The following PRKCQ variants were observed in gnomAD, a reference collection of about 807,000 sequenced individuals.
The protein encoded by PRKCQ is protein kinase C theta.
A neutral mutation model predicts 91.2 loss-of-function variants in PRKCQ; 41 were observed. The ratio of observed to expected loss-of-function variants is 0.45; its 90% CI spans 0.35 to 0.58. PRKCQ has a LOEUF of 0.58. Among genes scored for constraint, PRKCQ ranks in the 20% least tolerant of loss-of-function variants. The probability of loss-of-function intolerance (pLI) is 0.00; values close to 1 mark genes in which losing one functional copy is unlikely to be tolerated. For synonymous variants in PRKCQ, 307 were observed against 316.9 expected (o/e 0.97, Z 0.33); for missense variants, 673 against 896.5 (o/e 0.75, Z 3.18).
chr10:6,407,957 T>C, the PRKCQ span, among the ~76,000 whole-genome samples: 1 of 151,768 alleles, frequency 6.6e-6, no homozygotes, highest in African/African-American at 2.4e-5. The surrounding 1 kb of genome is among the most constrained non-coding windows in gnomAD (Gnocchi z 4.0). Context: ...CTAGCCACAA[T>C]ACTGTTATCA....
At chr10:6,509,539 G>T (rs1244618012) in intron 3 of PRKCQ, among the ~76,000 whole-genome samples, 1 of 152,190 alleles carries the variant, frequency 6.6e-6, no homozygotes, top group Non-Finnish European at 1.5e-5. Flanking sequence ...CTCCCAAGTA[G>T]CTGGGATTAC....
intron 14 of PRKCQ, among the ~76,000 whole-genome samples, chr10:6,458,956 G>A (rs549281746): frequency 2.3e-4 from 35 of 152,242 alleles, no homozygotes; most frequent in Admixed American, 7.2e-4. Context: ...TGAAGATGCC[G>A]TCGATTTTGT....
chr10:6,475,055 G>A (rs552720612), intron 12 of PRKCQ, among the ~76,000 whole-genome samples: 3 of 152,300 alleles, frequency 2.0e-5, no homozygotes, highest in Admixed American at 1.3e-4. Flanking sequence ...TCAGAATGCT[G>A]ATCTACGTTA....
At chr10:6,401,042 G>A in the PRKCQ span, among the ~76,000 whole-genome samples, 1 of 152,162 alleles carries the variant, frequency 6.6e-6, no homozygotes. Flanking sequence ...ATAGCATGCC[G>A]TTGCAACTTC....
In PRKCQ at chr10:6,482,696, A is replaced by G. The variant is rs377118235; in HGVS notation, c.1179+744T>C. Among the ~76,000 whole-genome samples, 4 of 152,316 alleles carry G rather than the reference A, an allele frequency of 2.6e-5. No homozygotes were observed. The South Asian group carries it at 6.2e-4, about 24-fold the overall frequency. On this transcript the variant is annotated intron_variant, in intron 11 of 17. Coordinates refer to ENST00000263125, the MANE Select transcript of PRKCQ (RefSeq NM_006257.5). ...AGACATGCCCGAGACTGGATAATTT[A>G]TAAAGGAAAGAGGTTTAATGGACTC... is the stretch of plus-strand genomic sequence containing the variant.
intron 12 of PRKCQ, among the ~76,000 whole-genome samples, chr10:6,466,564 T>C (rs899802279): frequency 5.3e-5 from 8 of 152,234 alleles, no homozygotes; most frequent in Non-Finnish European, 8.8e-5. Flanking sequence ...TGCTCTGTGA[T>C]AAAATTAGCA....
chr10:6,475,117 T>G (rs550549219), intron 12 of PRKCQ, among the ~76,000 whole-genome samples: 1 of 152,228 alleles, frequency 6.6e-6, no homozygotes, highest in South Asian at 2.1e-4. Flanking sequence ...CAAAGTCATT[T>G]TGATCTAGCA....
At chr10:6,472,868 C>A (rs1237896201) in intron 12 of PRKCQ, among the ~76,000 whole-genome samples, 1 of 152,004 alleles carries the variant, frequency 6.6e-6, no homozygotes, top group Non-Finnish European at 1.5e-5. Context: ...GCCCACCACC[C>A]CGCCTGGCTA....
At chr10:6,449,041 G>C (rs12774213) in intron 15 of PRKCQ, among the ~76,000 whole-genome samples, 48,125 of 149,380 alleles carry the variant, frequency 0.32, 6,307 homozygotes, top group East Asian at 0.46. Context: ...CTCCTCCAAA[G>C]GAACGCAGTT....
At chr10:6,521,636 GGT>G (rs1352103472) in intron 1 of PRKCQ, among the ~76,000 whole-genome samples, 1 of 152,112 alleles carries the variant, frequency 6.6e-6, no homozygotes, top group Non-Finnish European at 1.5e-5. Context: ...CAACTTCATT[GGT>G]GTGTACCAAA....
At chr10:6,541,018 T>C (rs4748139) in intron 1 of PRKCQ, among the ~76,000 whole-genome samples, 11 of 152,194 alleles carry the variant, frequency 7.2e-5, no homozygotes, top group Admixed American at 2.6e-4. Context: ...TTACAATGCA[T>C]ATCCAGAATA....
the PRKCQ span, among the ~76,000 whole-genome samples, chr10:6,395,451 G>A: frequency 6.6e-6 from 1 of 151,916 alleles, no homozygotes; most frequent in Admixed American, 6.6e-5. Context: ...TGGGGAGAAG[G>A]CTCCTGAGGA....
At chr10:6,503,847 G>A in intron 4 of PRKCQ, among the ~76,000 whole-genome samples, 1 of 152,138 alleles carries the variant, frequency 6.6e-6, no homozygotes, top group East Asian at 1.9e-4. Context: ...CACTATCTTG[G>A]CTCACTTTAT....
At position 6,576,149 on chromosome 10, in the gene PRKCQ, A is replaced by C. The variant is rs1045997718; in HGVS notation, c.-10+4062T>G. 6.6e-6 allele frequency among the ~76,000 whole-genome samples: 1 copy of C among 152,228 alleles called. No homozygotes were observed. The highest frequency in any genetic ancestry group is 2.4e-5 in the African/African-American group (1 of 41,452). On this transcript the variant is annotated intron_variant, in intron 1 of 17. Coordinates refer to ENST00000263125, the MANE Select transcript of PRKCQ (RefSeq NM_006257.5). This position sits in a 1 kb window ranked among gnomAD's most constrained non-coding sequence, Gnocchi z 4.2. ...CAGCCACTGTGGAAAACAATATGGC[A>C]GTTCCTCAAAAAATTAAACATAGAA...
rs552591848 is a variant in PRKCQ, at chr10:6,460,176, T to C, written c.1508+2127A>G. 4.0e-5 allele frequency among the ~76,000 whole-genome samples: 6 copies of C among 151,750 alleles called. No homozygotes were observed. The South Asian group carries it at 1.0e-3, about 26-fold the overall frequency. On this transcript the variant is annotated intron_variant, in intron 14 of 17. Coordinates refer to ENST00000263125, the MANE Select transcript of PRKCQ (RefSeq NM_006257.5). ...CTAATGAGCACAAAAAATAAACTCA[T>C]TTTTTTTTCTTGTTGGTGCCTAAGA...
In PRKCQ at chr10:6,530,549, G is replaced by C. The variant is rs570557538; in HGVS notation, c.-9-15405C>G. On this transcript the variant is annotated intron_variant, in intron 1 of 17. Coordinates refer to ENST00000263125, the MANE Select transcript of PRKCQ (RefSeq NM_006257.5). The stretch of plus-strand genomic sequence containing the variant: ...GGGGACTGGGCTATCACAGTCACAG[G>C]GGGGGTTGTTGCAAATAGAGGGACA... Among the ~76,000 whole-genome samples, 9 of 152,286 alleles carry C rather than the reference G, an allele frequency of 5.9e-5. No individual in the cohort carries two copies. In the South Asian group the frequency reaches 1.3e-3, roughly 21 times the overall value.
chr10:6,571,470 C>A (rs1841043382), intron 1 of PRKCQ, among the ~76,000 whole-genome samples: 1 of 152,192 alleles, frequency 6.6e-6, no homozygotes, highest in African/African-American at 2.4e-5. Context: ...ACCTTCCTAA[C>A]AAACCAGGGA....
Position 6,465,460 on chromosome 10 carries a change from G to C in PRKCQ, c.1354-1056C>G, listed in dbSNP as rs1835600235. On this transcript the variant is annotated intron_variant, in intron 12 of 17. Transcript: ENST00000263125. This position sits in a 1 kb window ranked among gnomAD's most constrained non-coding sequence, Gnocchi z 4.4. The stretch of plus-strand genomic sequence containing the variant: ...ACCAGCCTCAGCAACTCAATGATGT[G>C]AGACAATTTTTTTTTCCAATAAATG... Among the ~76,000 whole-genome samples, 3 of 152,160 alleles carry C rather than the reference G, an allele frequency of 2.0e-5. No individual in the cohort carries two copies. Among genetic ancestry groups the C allele is most frequent in the Non-Finnish European group, 4.4e-5 (3 of 68,036 alleles).
chr10:6,535,273 T>A (rs988092673), intron 1 of PRKCQ, among the ~76,000 whole-genome samples: 3 of 152,218 alleles, frequency 2.0e-5, no homozygotes, highest in African/African-American at 7.2e-5. Context: ...GAGTTCCATA[T>A]GTGGAAAGTA....
Sources: allele counts gnomAD v4.1 joint callset (sites outside exome capture counted in the v4.1 genomes callset), GRCh38; gene constraint gnomAD v4.1.1; non-coding constraint Gnocchi (gnomAD v3.1); transcripts MANE v1.5; gene names NCBI Gene and HGNC (gene_info 2026-07-23, HGNC 2026-07-21).